The following CRYZL1 variants were observed in gnomAD, a reference collection of about 807,000 sequenced individuals.
CRYZL1 encodes the protein ferry endosomal RAB5 effector complex subunit 4.
In CRYZL1, 34 loss-of-function variants were observed where a neutral mutation model predicts 50.6. That is an observed-to-expected ratio of 0.67 (90% CI 0.51 to 0.89). CRYZL1 has a LOEUF of 0.89. CRYZL1 is among the 40% of genes least tolerant of loss of function. The probability of loss-of-function intolerance (pLI) is 0.00; values close to 1 mark genes in which losing one functional copy is unlikely to be tolerated. For synonymous variants in CRYZL1, 125 were observed against 134.3 expected (o/e 0.93, Z 0.48); for missense variants, 354 against 402.3 (o/e 0.88, Z 1.03).
intron 6 of CRYZL1, among the ~76,000 whole-genome samples, chr21:33,608,325 G>T (rs971209436): frequency 6.6e-6 from 1 of 152,060 alleles, no homozygotes; most frequent in Non-Finnish European, 1.5e-5. Flanking sequence ...TGTGGCGGCT[G>T]GCACCTGTAA....
chr21:33,595,967 T>C (rs2086689233), intron 10 of CRYZL1, 131 bp from the exon 11 acceptor site: 7 of 666,294 alleles, frequency 1.1e-5, no homozygotes, highest in Non-Finnish European at 1.6e-5. Flanking sequence ...ACATAAACTT[T>C]AATAACGTAA....
chr21:33,599,350 G>A, intron 8 of CRYZL1, 102 bp from the exon 9 acceptor site: 1 of 1,460,764 alleles, frequency 6.8e-7, no homozygotes, highest in Non-Finnish European at 9.4e-7. Context: ...ATCTATTCTT[G>A]AAATGAGTTA....
intron 6 of CRYZL1, among the ~76,000 whole-genome samples, chr21:33,607,357 A>G (rs756071677): frequency 1.3e-5 from 2 of 152,032 alleles, no homozygotes; most frequent in Non-Finnish European, 2.9e-5. Context: ...ACAATCATGA[A>G]GGCTGGCATA....
chr21:33,623,320 C>T (rs1292784874), intron 3 of CRYZL1, among the ~76,000 whole-genome samples: 1 of 152,146 alleles, frequency 6.6e-6, no homozygotes, highest in African/African-American at 2.4e-5. Context: ...TTAGCAATTG[C>T]ATCCTGGCTC....
At chr21:33,610,581 A>G (rs1336325566) in intron 6 of CRYZL1, among the ~76,000 whole-genome samples, 3 of 152,206 alleles carry the variant, frequency 2.0e-5, no homozygotes, top group Non-Finnish European at 4.4e-5. Context: ...ATAAGGTAGA[A>G]GAAAAAGGCC....
Position 33,631,485 on chromosome 21 carries a change from C to A in CRYZL1, c.66+1G>T. The A allele has an allele frequency of 2.0e-6, 3 of 1,512,486 alleles. No homozygotes were observed. Among genetic ancestry groups the A allele is most frequent in the Non-Finnish European group, 2.6e-6 (3 of 1,133,796 alleles). The allele number at this position is 1,512,486 out of a possible 1,614,324, so 93.7% of individuals were successfully genotyped here. ...TTTAATGATTAAACATTTTTTCTTA[C>A]CTTTTCTTGAAATACAAATGTTATT... is the stretch of plus-strand genomic sequence containing the variant. On this transcript the variant is annotated splice_donor_variant, in intron 2 of 12. Coordinates refer to ENST00000381554, the MANE Select transcript of CRYZL1 (RefSeq NM_145858.3). LOFTEE classifies it high-confidence loss of function.
At chr21:33,633,416 A>C (rs1350610625) in intron 1 of CRYZL1, among the ~76,000 whole-genome samples, 1 of 151,974 alleles carries the variant, frequency 6.6e-6, no homozygotes, top group East Asian at 1.9e-4. Flanking sequence ...TTAAAGTTGA[A>C]TACTTTTTTT....
At chr21:33,635,796 G>A (rs1387373181) in intron 1 of CRYZL1, among the ~76,000 whole-genome samples, 1 of 151,946 alleles carries the variant, frequency 6.6e-6, no homozygotes, top group African/African-American at 2.4e-5. Flanking sequence ...TCCTGGCCAA[G>A]ATGGTGAAAT....
At chr21:33,641,272 G>A in intron 1 of CRYZL1, 1 of 1,550,294 alleles carries the variant, frequency 6.5e-7, no homozygotes, top group Non-Finnish European at 8.7e-7. Context: ...ACTGCTTTCC[G>A]AAAACAGCAA....
chr21:33,627,967 G>A (rs1010979821), intron 2 of CRYZL1, among the ~76,000 whole-genome samples: 5 of 151,888 alleles, frequency 3.3e-5, no homozygotes, highest in African/African-American at 7.3e-5. Flanking sequence ...GGACGGTCTC[G>A]ATCTCCTGAC....
At chr21:33,637,760 C>CATATATATATATATATATATAT (rs10536195) in intron 1 of CRYZL1, among the ~76,000 whole-genome samples, 3 of 131,730 alleles carry the variant, frequency 2.3e-5, no homozygotes, top group African/African-American at 5.7e-5. Context: ...AAGAGAAAAA[C>CATATATATATATATATATATAT]ATATATATAT....
Position 33,589,770 on chromosome 21 carries a change from G to T in CRYZL1, c.*52C>A. On this transcript the variant is annotated 3_prime_UTR_variant, in exon 13 of 13. Coordinates refer to ENST00000381554, the MANE Select transcript of CRYZL1 (RefSeq NM_145858.3). ...TCAACAATTTCCAAAGAAAATTCTGGCTTCAAATACTGGAATATGTTCATC... is the reference window on the plus strand; with the variant it reads ...TCAACAATTTCCAAAGAAAATTCTGTCTTCAAATACTGGAATATGTTCATC... 2 of 1,172,324 alleles carry T rather than the reference G, an allele frequency of 1.7e-6. No individual in the cohort carries two copies. Among genetic ancestry groups the T allele is most frequent in the Non-Finnish European group, 2.5e-6 (2 of 799,408 alleles). The allele number at this position is 1,172,324 out of a possible 1,614,324, so 72.6% of individuals were successfully genotyped here.
chr21:33,615,115 G>A (rs1157025955), intron 5 of CRYZL1, among the ~76,000 whole-genome samples: 1 of 150,532 alleles, frequency 6.6e-6, no homozygotes. Context: ...TAATTTTAAC[G>A]CTATAAGGCT....
At chr21:33,597,529 T>C in intron 9 of CRYZL1, 128 bp from the exon 10 acceptor site, 4 of 707,366 alleles carry the variant, frequency 5.7e-6, no homozygotes, top group Non-Finnish European at 6.9e-6. Flanking sequence ...TTGCCCAGGC[T>C]GGCCTGGACT....
At chr21:33,600,378 C>T (rs1166818512) in intron 8 of CRYZL1, among the ~76,000 whole-genome samples, 1 of 152,104 alleles carries the variant, frequency 6.6e-6, no homozygotes, top group Non-Finnish European at 1.5e-5. Flanking sequence ...AAAAATAATT[C>T]TCAGAATTTT....
intron 8 of CRYZL1, among the ~76,000 whole-genome samples, chr21:33,600,740 C>G (rs1202438499): frequency 6.6e-6 from 1 of 151,166 alleles, no homozygotes; most frequent in African/African-American, 2.4e-5. Context: ...ATTCTCCTGC[C>G]TCAGCCTCCC....
intron 3 of CRYZL1, among the ~76,000 whole-genome samples, chr21:33,622,319 T>A (rs1476144947): frequency 1.3e-5 from 2 of 152,236 alleles, no homozygotes; most frequent in Admixed American, 6.5e-5. Flanking sequence ...ACCATTAACA[T>A]CCTTTGTTTA....
chr21:33,637,273 G>T (rs1360524930), intron 1 of CRYZL1, among the ~76,000 whole-genome samples: 1 of 151,712 alleles, frequency 6.6e-6, no homozygotes, highest in Non-Finnish European at 1.5e-5. Flanking sequence ...GTGAAACCCC[G>T]TCTCTACTAA....
At chr21:33,613,722 C>T (rs1199237386) in intron 5 of CRYZL1, 116 bp from the exon 6 acceptor site, 1 of 708,306 alleles carries the variant, frequency 1.4e-6, no homozygotes, top group Non-Finnish European at 2.5e-6. Flanking sequence ...CCAGTAATTA[C>T]TAGTGTGGAC....
Sources: allele counts gnomAD v4.1 joint callset (sites outside exome capture counted in the v4.1 genomes callset), GRCh38; gene constraint gnomAD v4.1.1; transcripts MANE v1.5; gene names NCBI Gene and HGNC (gene_info 2026-07-23, HGNC 2026-07-21).